Variants in SHLD2 observed in about 807,000 individuals in gnomAD.
SHLD2 encodes the protein shieldin complex subunit 2.
A neutral mutation model predicts 73.2 loss-of-function variants in SHLD2; 30 were observed. That is an observed-to-expected ratio of 0.41 (90% CI 0.31 to 0.56). The LOEUF (loss-of-function observed/expected upper bound fraction) is 0.56, where lower values mean the gene tolerates loss of function less well. Among genes scored for constraint, SHLD2 ranks in the 20% least tolerant of loss-of-function variants. The probability of loss-of-function intolerance (pLI) is 0.28; values close to 1 mark genes in which losing one functional copy is unlikely to be tolerated. For synonymous variants in SHLD2, 285 were observed against 370.1 expected (o/e 0.77, Z 2.64); for missense variants, 745 against 1,055.9 (o/e 0.71, Z 4.08).
intron 2 of SHLD2, among the ~76,000 whole-genome samples, chr10:87,144,342 T>C (rs936138621): frequency 6.6e-5 from 10 of 152,216 alleles, no homozygotes; most frequent in Non-Finnish European, 1.3e-4. Flanking sequence ...ATCTCAGTTG[T>C]TGATGAGAAT....
chr10:87,104,267 G>A (rs549451890), intron 2 of SHLD2, among the ~76,000 whole-genome samples: 4 of 149,524 alleles, frequency 2.7e-5, no homozygotes, highest in African/African-American at 7.4e-5. Context: ...AATTGTGCTG[G>A]CTGGGCTCAG....
intron 2 of SHLD2, among the ~76,000 whole-genome samples, chr10:87,100,489 T>TG (rs1842193078): frequency 6.6e-6 from 1 of 152,002 alleles, no homozygotes; most frequent in Non-Finnish European, 1.5e-5. Context: ...GTTTTTTTTT[T>TG]TTTTTCGAAA....
At chr10:87,121,762 CTTT>C (rs571649405) in intron 2 of SHLD2, among the ~76,000 whole-genome samples, 81 of 130,950 alleles carry the variant, frequency 6.2e-4, no homozygotes, top group Admixed American at 1.3e-3. Context: ...TTCTTTCTTT[CTTT>C]TTTTTTTTTT....
intron 2 of SHLD2, among the ~76,000 whole-genome samples, chr10:87,109,144 A>G (rs569406562): frequency 2.0e-5 from 3 of 152,288 alleles, no homozygotes; most frequent in East Asian, 3.9e-4. Flanking sequence ...ATTGGCTATT[A>G]TGCCTTTAGC....
In SHLD2 at chr10:87,180,158, T is replaced by A; in HGVS notation, c.2254T>A (p.Ser752Thr). 6.2e-7 allele frequency: 1 copy of A among 1,613,888 alleles called. No individual in the cohort carries two copies. The highest frequency in any genetic ancestry group is 1.1e-5 in the South Asian group (1 of 91,072). ...GAAGATAGCGCTAAATGCTCACAGTTCTCTGAAGAGTATTTTTTCTTCTCT... is the reference window on the plus strand; with the variant it reads ...GAAGATAGCGCTAAATGCTCACAGTACTCTGAAGAGTATTTTTTCTTCTCT... The part of the protein sequence containing the change: ...SQKIALNAHS[S>T]LKSIFSSLPN... Residue 752 changes from serine to threonine, a missense_variant, in exon 8 of 10, where the codon TCT becomes ACT. Physicochemically the swap from Ser to Thr is moderately conservative, Grantham distance 58. Coordinates refer to ENST00000298786, the MANE Select transcript of SHLD2 (RefSeq NM_001330112.2).
At chr10:87,116,520 G>A (rs2134041269) in intron 2 of SHLD2, among the ~76,000 whole-genome samples, 1 of 152,216 alleles carries the variant, frequency 6.6e-6, no homozygotes, top group African/African-American at 2.4e-5. Flanking sequence ...TGCAGATGGG[G>A]AAGTGTTTGG....
chr10:87,183,839 G>A (rs575388283), intron 8 of SHLD2, among the ~76,000 whole-genome samples: 31 of 152,252 alleles, frequency 2.0e-4, no homozygotes, highest in African/African-American at 6.7e-4. Flanking sequence ...CTGTCTCTCA[G>A]GCCCTTCTTT....
chr10:87,172,040 G>A (rs1847626010), intron 6 of SHLD2, among the ~76,000 whole-genome samples: 1 of 152,044 alleles, frequency 6.6e-6, no homozygotes, highest in Non-Finnish European at 1.5e-5. Context: ...ATAGTTTTTT[G>A]GTTAATAGAA....
At chr10:87,135,291 C>T (rs1318468080) in intron 2 of SHLD2, among the ~76,000 whole-genome samples, 2 of 152,066 alleles carry the variant, frequency 1.3e-5, no homozygotes, top group African/African-American at 2.4e-5. Context: ...TTAGCTGTCA[C>T]ATCTCCTTAG....
intron 8 of SHLD2, among the ~76,000 whole-genome samples, chr10:87,181,568 A>C (rs2134706500): frequency 6.6e-6 from 1 of 151,974 alleles, no homozygotes; most frequent in East Asian, 1.9e-4. Context: ...GGGCCTTTGA[A>C]TCTTTAGTTT....
chr10:87,097,591 CA>C (rs1384129010), intron 2 of SHLD2, among the ~76,000 whole-genome samples: 3 of 151,610 alleles, frequency 2.0e-5, no homozygotes, highest in South Asian at 2.1e-4. Flanking sequence ...GTCTTCATCT[CA>C]AAAAAGGAAA....
chr10:87,185,618 T>C (rs1162945651), intron 8 of SHLD2, among the ~76,000 whole-genome samples: 1 of 152,214 alleles, frequency 6.6e-6, no homozygotes, highest in Non-Finnish European at 1.5e-5. Flanking sequence ...TTTCGGGTCG[T>C]ATCTAAGAAA....
chr10:87,103,171 C>T (rs928162227), intron 2 of SHLD2, among the ~76,000 whole-genome samples: 1 of 151,992 alleles, frequency 6.6e-6, no homozygotes, highest in Non-Finnish European at 1.5e-5. Flanking sequence ...GATCTCACCA[C>T]TGCACTCCAG....
chr10:87,179,016 TGAA>T (rs1202798033), intron 7 of SHLD2, among the ~76,000 whole-genome samples: 4 of 152,056 alleles, frequency 2.6e-5, no homozygotes, highest in African/African-American at 7.2e-5. Flanking sequence ...TCTAAGTGGA[TGAA>T]GAAGAACAAA....
At position 87,151,494 on chromosome 10, in the gene SHLD2, C is replaced by A. The variant is rs1168813079; in HGVS notation, c.140C>A (p.Ser47Tyr). ...KKIQLLYSQH[S>Y]LYLKDEKQHK... ...ATTCAGCTTTTATACAGTCAACATT[C>A]TTTATATCTGAAGGATGAAAAACAG... The change falls in exon 3 of 10, where the codon TCT becomes TAT. Residue 47 changes from serine (S) to tyrosine (Y), a missense_variant. Transcript: ENST00000298786. The A allele has an allele frequency of 1.2e-6, 2 of 1,610,980 alleles. No individual in the cohort carries two copies. Among genetic ancestry groups the A allele is most frequent in the Non-Finnish European group, 1.7e-6 (2 of 1,179,550 alleles).
intron 2 of SHLD2, among the ~76,000 whole-genome samples, chr10:87,113,010 A>G (rs1485768848): frequency 1.3e-5 from 2 of 152,176 alleles, no homozygotes; most frequent in African/African-American, 4.8e-5. Context: ...CTAAATGTAG[A>G]TCAGCTGATG....
intron 2 of SHLD2, among the ~76,000 whole-genome samples, chr10:87,125,554 G>C (rs779434491): frequency 1.3e-5 from 2 of 152,196 alleles, no homozygotes. Context: ...GGCCAACAGG[G>C]TGAAACCCCG....
At chr10:87,161,828 C>A (rs1846839447) in intron 4 of SHLD2, among the ~76,000 whole-genome samples, 1 of 151,888 alleles carries the variant, frequency 6.6e-6, no homozygotes, top group African/African-American at 2.4e-5. Flanking sequence ...AGGAAAACTA[C>A]AGAGGAGGGG....
At chr10:87,166,537 T>C (rs1242174201) in intron 4 of SHLD2, among the ~76,000 whole-genome samples, 3 of 152,324 alleles carry the variant, frequency 2.0e-5, no homozygotes, top group Non-Finnish European at 4.4e-5. Flanking sequence ...ATTGTGAAGA[T>C]TTCAGTTCTT....
Sources: gnomAD v4.1 joint callset for allele counts (sites outside exome capture counted in the v4.1 genomes callset) on GRCh38, gnomAD v4.1.1 for gene constraint, MANE v1.5 for transcripts, NCBI Gene and HGNC (gene_info 2026-07-23, HGNC 2026-07-21) for gene names.